Variants in KIF11 observed in about 807,000 individuals in gnomAD.
KIF11 encodes the protein kinesin family member 11, also known as kinesin-like protein KIF11.
KIF11 carries 9 observed loss-of-function variants against 121.0 expected under a neutral mutation model. The observed-to-expected ratio is 0.07, with a 90% CI of 0.04 to 0.13. The LOEUF (loss-of-function observed/expected upper bound fraction) is 0.13, where lower values mean the gene tolerates loss of function less well. Ranked by LOEUF, KIF11 falls within the 10% of genes least tolerant of loss-of-function variation. The probability of loss-of-function intolerance (pLI) is 1.00; values close to 1 mark genes in which losing one functional copy is unlikely to be tolerated. For synonymous variants in KIF11, 408 were observed against 421.0 expected (o/e 0.97, Z 0.38); for missense variants, 846 against 1,217.5 (o/e 0.69, Z 4.54).
rs149062362 is a variant in KIF11, at chr10:92,620,050, T to C, written c.1129-1335T>C. Among the ~76,000 whole-genome samples, 264 of 151,602 alleles carry C rather than the reference T, an allele frequency of 1.7e-3. 1 individual carries two copies. Among genetic ancestry groups the C allele is most frequent in the African/African-American group, 6.1e-3 (252 of 41,432 alleles). On this transcript the variant is annotated intron_variant, in intron 9 of 21. Coordinates refer to ENST00000260731, the MANE Select transcript of KIF11 (RefSeq NM_004523.4). ...ATAAGCAGTAGTGTCTTCTTCCATT[T>C]AGAAGTATGTAATGTCTGGTTCTTT...
At chr10:92,626,563 A>T (rs1589599715) in intron 10 of KIF11, among the ~76,000 whole-genome samples, 1 of 152,324 alleles carries the variant, frequency 6.6e-6, no homozygotes, top group East Asian at 1.9e-4. Context: ...TCAGAGAAGA[A>T]TCACAAAAAC....
intron 21 of KIF11, among the ~76,000 whole-genome samples, chr10:92,651,743 A>T (rs1196786637): frequency 5.3e-5 from 8 of 151,378 alleles, no homozygotes; most frequent in African/African-American, 1.9e-4. Context: ...TGAGTACACA[A>T]TCAATGTCAC....
At chr10:92,651,870 C>A (rs1844989777) in intron 21 of KIF11, among the ~76,000 whole-genome samples, 2 of 149,724 alleles carry the variant, frequency 1.3e-5, no homozygotes, top group South Asian at 4.3e-4. Flanking sequence ...CAAGCCTAGA[C>A]AGAGTGTGTG....
rs1844763319 is a variant in KIF11 at position 92,633,720 on chromosome 10, T to A, written c.1800T>A (p.Val600=). The change falls in exon 14 of 22, where the codon GTT becomes GTA. Residue 600 remains valine (V), a synonymous_variant. Coordinates refer to ENST00000260731, the MANE Select transcript of KIF11 (RefSeq NM_004523.4). ...TTCCAGAAAATGTGTCTACTCATGT[T>A]TCTCAGATTTTTAATATGATACTAA... ...TSIPENVSTH[V]SQIFNMILKE... 6.3e-7 allele frequency: 1 copy of A among 1,596,792 alleles called. No individual in the cohort carries two copies. Among genetic ancestry groups the A allele is most frequent in the African/African-American group, 1.3e-5 (1 of 74,578 alleles).
chr10:92,629,141 TG>T (rs1191094830), intron 11 of KIF11, among the ~76,000 whole-genome samples: 1 of 151,766 alleles, frequency 6.6e-6, no homozygotes, highest in Non-Finnish European at 1.5e-5. Flanking sequence ...CCACCATGCC[TG>T]GCTAATTTTT....
At position 92,613,966 on chromosome 10, in the gene KIF11, A is replaced by C. The variant is rs1844523176; in HGVS notation, c.1032+347A>C. ...ACTCCAGCCTGGGTGGCAGAGGGAG[A>C]CCCCATCTCAAAAAAAAAAAAGTAT... is the stretch of plus-strand genomic sequence containing the variant. On this transcript the variant is annotated intron_variant, in intron 8 of 21. Transcript: ENST00000260731. The surrounding 1 kb of genome is among the most constrained non-coding windows in gnomAD (Gnocchi z 4.2). Among the ~76,000 whole-genome samples the C allele has an allele frequency of 6.7e-6, 1 of 148,486 alleles. No individual in the cohort carries two copies. The highest frequency in any genetic ancestry group is 2.5e-5 in the African/African-American group (1 of 40,206).
intron 19 of KIF11, among the ~76,000 whole-genome samples, chr10:92,648,853 G>GT (rs1166481713): frequency 2.0e-5 from 3 of 152,162 alleles, no homozygotes; most frequent in African/African-American, 7.2e-5. Flanking sequence ...AGGAATCCCT[G>GT]TTTTAAGAGA....
chr10:92,609,209 A>G lies in KIF11; in HGVS notation c.573+4A>G, dbSNP rs747459914. ...GTTTGATGATCCCCGTAACAAGGTA[A>G]TTCAGTCTTTGAGAATGAAATGTCT... On this transcript the variant is annotated splice_donor_region_variant and intron_variant, in intron 5 of 21. Transcript: ENST00000260731. The G allele has an allele frequency of 8.5e-5, 133 of 1,558,500 alleles. No homozygotes were observed. The highest frequency in any genetic ancestry group is 1.1e-4 in the Non-Finnish European group (123 of 1,151,912).
Position 92,606,172 on chromosome 10 carries a change from C to T in KIF11, c.78-93C>T, listed in dbSNP as rs1029636418. 29 of 1,238,572 alleles carry T rather than the reference C, an allele frequency of 2.3e-5. No individual in the cohort carries two copies. In the African/African-American group the frequency reaches 3.3e-4, roughly 14 times the overall value. 76.7% of individuals were successfully genotyped at this position (1,238,572 alleles called of 1,614,324 possible). A position where few individuals can be genotyped will look rare whatever the true frequency, so the allele number is the denominator to read the frequency against. ...ATCACCAACAATGTGGTCAAAATTTCGCATTTTTCTTGACAAATGTAGTTA... is the reference window on the plus strand; with the variant it reads ...ATCACCAACAATGTGGTCAAAATTTTGCATTTTTCTTGACAAATGTAGTTA... On this transcript the variant is annotated intron_variant, in intron 1 of 21. Coordinates refer to ENST00000260731, the MANE Select transcript of KIF11 (RefSeq NM_004523.4).
intron 1 of KIF11, among the ~76,000 whole-genome samples, chr10:92,597,520 CT>C (rs1844312164): frequency 6.6e-6 from 1 of 152,086 alleles, no homozygotes; most frequent in Admixed American, 6.6e-5. Flanking sequence ...CCATTTTGGC[CT>C]CCCAAAGTGC....
At chr10:92,649,072 T>C (rs960511938) in intron 19 of KIF11, among the ~76,000 whole-genome samples, 1 of 152,188 alleles carries the variant, frequency 6.6e-6, no homozygotes, top group African/African-American at 2.4e-5. Flanking sequence ...CACTGAATTG[T>C]ACACATAAAA....
rs1564705383 is a variant in KIF11 at position 92,609,433 on chromosome 10, G to A, written c.622G>A (p.Asp208Asn). 3 of 1,613,446 alleles carry A rather than the reference G, an allele frequency of 1.9e-6. No individual in the cohort carries two copies. The highest frequency in any genetic ancestry group is 1.7e-6 in the Non-Finnish European group (2 of 1,179,840). The change falls in exon 6 of 22, where the codon GAT becomes AAT. Residue 208 changes from aspartate (D) to asparagine (N), a missense_variant. Transcript: ENST00000260731. ...GLEEITVHNK[D>N]EVYQILEKGA... is the part of the protein sequence containing the mutation. ...AGAAGAAATTACAGTACACAACAAG[G>A]ATGAAGTCTATCAAATTTTAGAAAA... is the stretch of plus-strand genomic sequence containing the variant.
At chr10:92,637,579 A>G (rs1274271608) in intron 16 of KIF11, 34 bp downstream of exon 16, 2 of 1,570,274 alleles carry the variant, frequency 1.3e-6, no homozygotes, top group Non-Finnish European at 1.7e-6. Context: ...GAGTACAGAA[A>G]GAGAGTTTTA....
chr10:92,631,490 T>C (rs973422392), intron 12 of KIF11, among the ~76,000 whole-genome samples: 2 of 149,288 alleles, frequency 1.3e-5, no homozygotes, highest in African/African-American at 2.5e-5. Context: ...GCCTCCCGAG[T>C]AGCTGGGACT....
intron 8 of KIF11, among the ~76,000 whole-genome samples, chr10:92,614,286 G>A (rs1465421990): frequency 1.3e-5 from 2 of 152,102 alleles, no homozygotes; most frequent in East Asian, 1.9e-4. Context: ...TAGTAGAGAC[G>A]TGGTTTCACC....
At chr10:92,642,218 GA>G (rs1300097592) in intron 17 of KIF11, among the ~76,000 whole-genome samples, 1 of 151,962 alleles carries the variant, frequency 6.6e-6, no homozygotes, top group Non-Finnish European at 1.5e-5. Flanking sequence ...ATTGTACCTT[GA>G]AGATTTTGGG....
At chr10:92,616,678 A>C (rs1440132439) in intron 8 of KIF11, 59 bp from the exon 9 acceptor site, 1 of 842,388 alleles carries the variant, frequency 1.2e-6, no homozygotes, top group Admixed American at 2.2e-5. Context: ...TATTTTAGAT[A>C]ACAGAACTAC....
chr10:92,629,492 T>G (rs1844713632), intron 11 of KIF11, among the ~76,000 whole-genome samples: 1 of 152,176 alleles, frequency 6.6e-6, no homozygotes, highest in Non-Finnish European at 1.5e-5. Context: ...TGTTAACATG[T>G]TTATCAGATG....
chr10:92,601,034 A>G (rs1324722019), intron 1 of KIF11, among the ~76,000 whole-genome samples: 3 of 150,678 alleles, frequency 2.0e-5, no homozygotes, highest in Non-Finnish European at 4.4e-5. Context: ...TAATTTTTGT[A>G]TTTTTAGTAG....
Sources: allele counts gnomAD v4.1 joint callset (sites outside exome capture counted in the v4.1 genomes callset), GRCh38; gene constraint gnomAD v4.1.1; non-coding constraint Gnocchi (gnomAD v3.1); transcripts MANE v1.5; gene names NCBI Gene and HGNC (gene_info 2026-07-23, HGNC 2026-07-21).